RAB5A: variants seen among roughly 807,000 people sequenced by gnomAD.
RAB5A encodes the protein ras-related protein Rab-5A.
A neutral mutation model predicts 25.7 loss-of-function variants in RAB5A; 8 were observed. The observed-to-expected ratio is 0.31, with a 90% CI of 0.18 to 0.56. The LOEUF is 0.56. Among genes scored for constraint, RAB5A ranks in the 20% least tolerant of loss-of-function variants. The pLI is 0.91. For synonymous variants in RAB5A, 98 were observed against 89.8 expected (o/e 1.09, Z -0.52); for missense variants, 192 against 259.7 (o/e 0.74, Z 1.79).
At chr3:19,975,801 T>G in intron 3 of RAB5A, 49 bp downstream of exon 3, 1 of 1,529,500 alleles carries the variant, frequency 6.5e-7, no homozygotes, top group Non-Finnish European at 8.9e-7. Context: ...TACCCACTTT[T>G]GGTGTTCAGA....
intron 2 of RAB5A, among the ~76,000 whole-genome samples, chr3:19,955,568 T>A: frequency 6.6e-6 from 1 of 151,878 alleles, no homozygotes; most frequent in South Asian, 2.1e-4. Context: ...AATTGGGGGG[T>A]TTTTTTGAGG....
At position 19,947,199 on chromosome 3, in the gene RAB5A, C is replaced by G. The variant is rs1027031701; in HGVS notation, c.-416C>G. On this transcript the variant is annotated 5_prime_UTR_variant, in exon 1 of 6. Transcript: ENST00000273047. ...TTTGTGTTTTGGTTCGTGAAGGAGC[C>G]GGCGGCTGGCCTTAGGGGAGGAGGC... The G allele has an allele frequency of 3.7e-5, 6 of 160,872 alleles. No homozygotes were observed. The East Asian group carries it at 9.6e-4, about 26-fold the overall frequency. The allele number at this position is 160,872 out of a possible 1,614,324, so 10.0% of individuals were successfully genotyped here.
Position 19,983,782 on chromosome 3 carries a change from G to A in RAB5A, c.607G>A (p.Glu203Lys), listed in dbSNP as rs771833104. Residue 203 changes from glutamate (E) to lysine (K), a missense_variant, in exon 6 of 6, where the codon GAA becomes AAA. Around this residue, in one of 3 missense-constraint regions of RAB5A, gnomAD observed 121 missense variants for 135.7 expected, o/e 0.89. Coordinates refer to ENST00000273047, the MANE Select transcript of RAB5A (RefSeq NM_004162.5). ...CAGAGGAAGAGGAGTAGACCTTACCGAACCCACACAACCAACCAGGAATCA... is the reference window on the plus strand; with the variant it reads ...CAGAGGAAGAGGAGTAGACCTTACCAAACCCACACAACCAACCAGGAATCA... Reference protein sequence around the residue: ...SARGRGVDLTEPTQPTRNQCC... With the variant: ...SARGRGVDLTKPTQPTRNQCC... 70 of 1,611,938 alleles carry A rather than the reference G, an allele frequency of 4.3e-5. No homozygotes were observed. The highest frequency in any genetic ancestry group is 5.5e-5 in the Non-Finnish European group (65 of 1,178,826).
intron 2 of RAB5A, among the ~76,000 whole-genome samples, chr3:19,951,701 G>GTTTTTTTTTTTTTCTTTTTTTT (rs1696425628): frequency 1.0e-5 from 1 of 99,014 alleles, no homozygotes; most frequent in African/African-American, 4.1e-5. Context: ...TGCCAGGCAA[G>GTTTTTTTTTTTTTCTTTTTTTT]TTTTTTTTTT....
chr3:19,984,750 T>G lies in RAB5A; in HGVS notation c.*927T>G, dbSNP rs1276930471. 2.0e-5 allele frequency: 3 copies of G among 153,052 alleles called. No homozygotes were observed. Among genetic ancestry groups the G allele is most frequent in the African/African-American group, 7.2e-5 (3 of 41,466 alleles). The allele number at this position is 153,052 out of a possible 1,614,324, so 9.5% of individuals were successfully genotyped here. On this transcript the variant is annotated 3_prime_UTR_variant, in exon 6 of 6. Coordinates refer to ENST00000273047, the MANE Select transcript of RAB5A (RefSeq NM_004162.5). ...TGCATTGTAGTCTCCATATCTGTAT[T>G]ACTTTTCTGTAATATTTAAGAGTTG...
intron 4 of RAB5A, among the ~76,000 whole-genome samples, chr3:19,976,957 A>T (rs1696833467): frequency 1.3e-5 from 2 of 152,294 alleles, no homozygotes; most frequent in African/African-American, 2.4e-5. Context: ...ATTAAAAAAA[A>T]TTTTTTTAAG....
chr3:19,965,028 T>C (rs1440593572), intron 2 of RAB5A, among the ~76,000 whole-genome samples: 1 of 152,170 alleles, frequency 6.6e-6, no homozygotes, highest in Non-Finnish European at 1.5e-5. Context: ...CCTCCTGGGT[T>C]CACCTGTCTC....
chr3:19,981,234 G>A (rs1696920774), intron 5 of RAB5A, among the ~76,000 whole-genome samples: 1 of 152,152 alleles, frequency 6.6e-6, no homozygotes, highest in South Asian at 2.1e-4. Flanking sequence ...TTTATAACTC[G>A]ATGGGGTGAA....
rs1192406079 is a variant in RAB5A at position 19,983,975 on chromosome 3, A to C, written c.*152A>C. On this transcript the variant is annotated 3_prime_UTR_variant, in exon 6 of 6. Coordinates refer to ENST00000273047, the MANE Select transcript of RAB5A (RefSeq NM_004162.5). ...ATACAGAATTATTTTAAGTGTTTTG[A>C]ACTTAATTTTTAATAACATGCATGG... The C allele has an allele frequency of 1.1e-5, 7 of 610,754 alleles. No individual in the cohort carries two copies. The highest frequency in any genetic ancestry group is 3.2e-5 in the Admixed American group (1 of 30,934). The allele number at this position is 610,754 out of a possible 1,614,324, so 37.8% of individuals were successfully genotyped here. A position where few individuals can be genotyped will look rare whatever the true frequency, so the allele number is the denominator to read the frequency against.
At chr3:19,970,386 G>A (rs1431643402) in intron 2 of RAB5A, among the ~76,000 whole-genome samples, 1 of 152,146 alleles carries the variant, frequency 6.6e-6, no homozygotes, top group Non-Finnish European at 1.5e-5. Flanking sequence ...CAGGGTCTGT[G>A]GTAAAGTAAT....
At chr3:19,978,471 CTG>C (rs1413649288) in intron 5 of RAB5A, 68 bp downstream of exon 5, 21 of 1,254,176 alleles carry the variant, frequency 1.7e-5, no homozygotes, top group Non-Finnish European at 2.2e-5. Context: ...TTTGGTTTGA[CTG>C]TCTCTTTTTT....
intron 2 of RAB5A, among the ~76,000 whole-genome samples, chr3:19,961,453 A>G (rs1487957831): frequency 1.3e-5 from 2 of 152,338 alleles, no homozygotes; most frequent in African/African-American, 4.8e-5. Context: ...CTGTTAAATA[A>G]TATGTAGTAT....
intron 2 of RAB5A, among the ~76,000 whole-genome samples, chr3:19,951,486 C>T (rs548650765): frequency 2.0e-4 from 30 of 152,212 alleles, no homozygotes; most frequent in Non-Finnish European, 2.9e-4. Flanking sequence ...AATAATTATA[C>T]TTACTTGTAA....
At chr3:19,970,235 C>T (rs1696725724) in intron 2 of RAB5A, among the ~76,000 whole-genome samples, 1 of 152,178 alleles carries the variant, frequency 6.6e-6, no homozygotes, top group Non-Finnish European at 1.5e-5. Context: ...TGGTTTAATG[C>T]CATCAATTTG....
chr3:19,981,961 G>A (rs1319806028), intron 5 of RAB5A, among the ~76,000 whole-genome samples: 1 of 152,126 alleles, frequency 6.6e-6, no homozygotes, highest in African/African-American at 2.4e-5. Flanking sequence ...GAGAAAATGA[G>A]GTTGGTTGAG....
At chr3:19,983,641 T>TA in intron 5 of RAB5A, 67 bp from the exon 6 acceptor site, 2 of 1,040,022 alleles carry the variant, frequency 1.9e-6, no homozygotes, top group African/African-American at 3.2e-5. Flanking sequence ...AAATTATAGA[T>TA]AAGCAGGTGA....
chr3:19,956,250 A>G (rs1016656830), intron 2 of RAB5A, among the ~76,000 whole-genome samples: 6 of 152,174 alleles, frequency 3.9e-5, no homozygotes, highest in African/African-American at 1.4e-4. Context: ...ACACTGGCAG[A>G]TCACGAGGTC....
chr3:19,977,073 CTTT>C (rs752373114), intron 4 of RAB5A, among the ~76,000 whole-genome samples: 1 of 141,752 alleles, frequency 7.1e-6, no homozygotes. Context: ...TCTATTTAGA[CTTT>C]TTTTTTTTTT....
rs560911390 is a variant in RAB5A, at chr3:19,957,289, G to A, written c.163+6228G>A. 4.6e-5 allele frequency among the ~76,000 whole-genome samples: 7 copies of A among 152,136 alleles called. No individual in the cohort carries two copies. In the East Asian group the frequency reaches 5.8e-4, roughly 13 times the overall value. Reference sequence around the variant, plus strand: ...AAATTACAGGGCTAAAGTACTACACGTGTGCATATATTAAAGTTTTTTCCA... The same window carrying A: ...AAATTACAGGGCTAAAGTACTACACATGTGCATATATTAAAGTTTTTTCCA... On this transcript the variant is annotated intron_variant, in intron 2 of 5. Coordinates refer to ENST00000273047, the MANE Select transcript of RAB5A (RefSeq NM_004162.5).
Sources: gnomAD v4.1 joint callset for allele counts (sites outside exome capture counted in the v4.1 genomes callset) on GRCh38, gnomAD v4.1.1 for gene constraint, gnomAD v4.1.1 regional missense constraint, MANE v1.5 for transcripts, NCBI Gene and HGNC (gene_info 2026-07-23, HGNC 2026-07-21) for gene names.